Variants in ZMAT4 observed in about 807,000 individuals in gnomAD.
The protein encoded by ZMAT4 is zinc finger matrin-type protein 4.
ZMAT4 carries 17 observed loss-of-function variants against 28.7 expected under a neutral mutation model. The observed-to-expected ratio is 0.59, with a 90% CI of 0.41 to 0.89. ZMAT4 has a LOEUF of 0.89. Among genes scored for constraint, ZMAT4 ranks in the 40% least tolerant of loss-of-function variants. The pLI is 0.00. For missense variants in ZMAT4, 240 were observed against 283.8 expected (o/e 0.85, Z 1.11); for synonymous variants, 117 against 109.2 (o/e 1.07, Z -0.44).
intron 5 of ZMAT4, among the ~76,000 whole-genome samples, chr8:40,591,129 A>G (rs890529852): frequency 2.0e-5 from 3 of 152,126 alleles, no homozygotes; most frequent in Non-Finnish European, 4.4e-5. Context: ...ATATTGTAGA[A>G]AATTCAGGGC....
intron 2 of ZMAT4, among the ~76,000 whole-genome samples, chr8:40,819,482 G>A (rs1815667008): frequency 6.6e-6 from 1 of 151,906 alleles, no homozygotes; most frequent in African/African-American, 2.4e-5. Context: ...TCAGCCCCTA[G>A]CCTGTGCATC....
At chr8:40,786,450 T>TTCAG (rs2150575511) in intron 2 of ZMAT4, among the ~76,000 whole-genome samples, 1 of 152,112 alleles carries the variant, frequency 6.6e-6, no homozygotes, top group Middle Eastern at 3.4e-3. Flanking sequence ...GTACATGACA[T>TTCAG]TCATTCATTC....
intron 1 of ZMAT4, among the ~76,000 whole-genome samples, chr8:40,870,188 A>T (rs1817805734): frequency 6.6e-6 from 1 of 152,174 alleles, no homozygotes; most frequent in Admixed American, 6.5e-5. Context: ...ATTCCCTAAG[A>T]GACTTTTTAC....
intron 1 of ZMAT4, among the ~76,000 whole-genome samples, chr8:40,850,855 C>T (rs1392219200): frequency 2.6e-5 from 4 of 152,110 alleles, no homozygotes; most frequent in African/African-American, 9.7e-5. Context: ...TCTCAGAACG[C>T]TTTTATGCAC....
At chr8:40,671,876 C>T (rs1808685312) in intron 5 of ZMAT4, among the ~76,000 whole-genome samples, 1 of 152,114 alleles carries the variant, frequency 6.6e-6, no homozygotes, top group Non-Finnish European at 1.5e-5. Context: ...CAGAATCCTT[C>T]TAGAAATGAA....
At chr8:40,793,501 A>G (rs1422945084) in intron 2 of ZMAT4, among the ~76,000 whole-genome samples, 2 of 152,172 alleles carry the variant, frequency 1.3e-5, no homozygotes, top group African/African-American at 2.4e-5. Context: ...TGATTTAACA[A>G]CAGCCTTGAA....
intron 1 of ZMAT4, among the ~76,000 whole-genome samples, chr8:40,883,545 C>A (rs972593188): frequency 4.6e-5 from 7 of 152,168 alleles, no homozygotes; most frequent in African/African-American, 1.7e-4. Context: ...ATCACACAAC[C>A]GTAGGTAAGT....
intron 2 of ZMAT4, among the ~76,000 whole-genome samples, chr8:40,804,191 A>G (rs983343268): frequency 2.0e-5 from 3 of 152,176 alleles, no homozygotes; most frequent in African/African-American, 7.2e-5. Flanking sequence ...AAACCCATAG[A>G]ATATATAACA....
chr8:40,648,959 G>A (rs1321492618), intron 5 of ZMAT4, among the ~76,000 whole-genome samples: 3 of 142,528 alleles, frequency 2.1e-5, no homozygotes, highest in South Asian at 2.5e-4. Flanking sequence ...GGTACCAGCT[G>A]CTGCAAAATC....
chr8:40,845,337 T>C (rs1816846199), intron 1 of ZMAT4, among the ~76,000 whole-genome samples: 1 of 152,166 alleles, frequency 6.6e-6, no homozygotes, highest in African/African-American at 2.4e-5. Flanking sequence ...AAAACACTCT[T>C]ATTTCAAGAT....
At chr8:40,843,063 C>T (rs1438866991) in intron 1 of ZMAT4, among the ~76,000 whole-genome samples, 1 of 152,198 alleles carries the variant, frequency 6.6e-6, no homozygotes, top group Non-Finnish European at 1.5e-5. Flanking sequence ...AGGCATAAGC[C>T]ACTGTCCCCG....
At chr8:40,850,890 G>T (rs1297803429) in intron 1 of ZMAT4, among the ~76,000 whole-genome samples, 1 of 152,102 alleles carries the variant, frequency 6.6e-6, no homozygotes, top group Non-Finnish European at 1.5e-5. Context: ...GATTTCAAAA[G>T]GGCTTTTGTC....
chr8:40,844,602 T>C (rs1816816279), intron 1 of ZMAT4, among the ~76,000 whole-genome samples: 1 of 151,588 alleles, frequency 6.6e-6, no homozygotes, highest in Non-Finnish European at 1.5e-5. Context: ...TATATGTATA[T>C]ATACTCTTTC....
At chr8:40,606,907 TC>T (rs1195482646) in intron 5 of ZMAT4, among the ~76,000 whole-genome samples, 1 of 152,136 alleles carries the variant, frequency 6.6e-6, no homozygotes, top group Non-Finnish European at 1.5e-5. Flanking sequence ...TTTTTAAAAA[TC>T]CTTTTTTCTT....
intron 3 of ZMAT4, among the ~76,000 whole-genome samples, chr8:40,724,636 A>C (rs964790007): frequency 6.6e-6 from 1 of 152,210 alleles, no homozygotes; most frequent in Non-Finnish European, 1.5e-5. Context: ...GTCAACCTCA[A>C]TGCACTGTGA....
chr8:40,775,632 G>A (rs1335991697), intron 2 of ZMAT4, among the ~76,000 whole-genome samples: 1 of 152,120 alleles, frequency 6.6e-6, no homozygotes, highest in African/African-American at 2.4e-5. Context: ...CAAGAGTCAG[G>A]GATCCACTAG....
chr8:40,777,313 G>A (rs992893000), intron 2 of ZMAT4, among the ~76,000 whole-genome samples: 8 of 152,194 alleles, frequency 5.3e-5, no homozygotes, highest in Non-Finnish European at 8.8e-5. Context: ...GCAGATGGGC[G>A]GGGAGAGGGG....
At chr8:40,647,605 G>A (rs929395627) in intron 5 of ZMAT4, among the ~76,000 whole-genome samples, 1 of 152,158 alleles carries the variant, frequency 6.6e-6, no homozygotes, top group Non-Finnish European at 1.5e-5. Flanking sequence ...GTCTCTGTAG[G>A]CTCCACCTCT....
intron 3 of ZMAT4, among the ~76,000 whole-genome samples, chr8:40,765,705 T>C (rs1813131925): frequency 6.6e-6 from 1 of 152,194 alleles, no homozygotes; most frequent in African/African-American, 2.4e-5. Flanking sequence ...ATTGTGCACC[T>C]GACCAGAGTG....
Sources: allele counts gnomAD v4.1 joint callset (sites outside exome capture counted in the v4.1 genomes callset), GRCh38; gene constraint gnomAD v4.1.1; transcripts MANE v1.5; gene names NCBI Gene and HGNC (gene_info 2026-07-23, HGNC 2026-07-21).